Variants in SLC22A3 observed in about 807,000 individuals in gnomAD.
SLC22A3 encodes the protein EMT organic cation transporter 3.
Under a neutral mutation model 59.1 loss-of-function variants are expected in SLC22A3, and 51 were observed. The observed-to-expected ratio is 0.86, with a 90% CI of 0.69 to 1.09. The LOEUF (loss-of-function observed/expected upper bound fraction) is 1.09. SLC22A3 is among the 50% of genes least tolerant of loss of function. The pLI, the probability that SLC22A3 is intolerant of heterozygous loss-of-function variation, is 0.00. For missense variants in SLC22A3, 711 were observed against 726.3 expected (o/e 0.98, Z 0.24); for synonymous variants, 325 against 292.0 (o/e 1.11, Z -1.15).
intron 7 of SLC22A3, among the ~76,000 whole-genome samples, chr6:160,442,339 C>G (rs913629847): frequency 1.8e-4 from 28 of 152,290 alleles, no homozygotes; most frequent in Admixed American, 1.6e-3. Context: ...CCTTGTGTCA[C>G]CACCGCAAGG....
intron 1 of SLC22A3, among the ~76,000 whole-genome samples, chr6:160,388,725 A>G (rs1562479896): frequency 6.6e-6 from 1 of 152,296 alleles, no homozygotes; most frequent in East Asian, 1.9e-4. Flanking sequence ...GGACTGTTCT[A>G]TACACCACCT....
chr6:160,361,321 A>G (rs1298873594), intron 1 of SLC22A3, among the ~76,000 whole-genome samples: 2 of 152,234 alleles, frequency 1.3e-5, no homozygotes, highest in African/African-American at 4.8e-5. Context: ...GAAACATGAC[A>G]AGGTCAGGGA....
At chr6:160,402,181 AATGG>A (rs1276958082) in intron 2 of SLC22A3, among the ~76,000 whole-genome samples, 1 of 151,952 alleles carries the variant, frequency 6.6e-6, no homozygotes, top group East Asian at 1.9e-4. Flanking sequence ...ACTAATAGTA[AATGG>A]ATGGAGAAAA....
At chr6:160,450,902 A>C in intron 10 of SLC22A3, 94 bp from the exon 11 acceptor site, 3 of 1,212,128 alleles carry the variant, frequency 2.5e-6, no homozygotes, top group Non-Finnish European at 3.6e-6. Context: ...AATGTATTTG[A>C]TCAAAACCAG....
chr6:160,349,192 G>C (rs1377366401), intron 1 of SLC22A3: 10 of 550,814 alleles, frequency 1.8e-5, no homozygotes, highest in Non-Finnish European at 2.1e-5. Context: ...TGAGGTGTGC[G>C]GGCGCCGTCA....
Position 160,436,990 on chromosome 6 carries a change from G to A in SLC22A3, c.1074-7G>A, listed in dbSNP as rs1436600228. 2 of 1,614,102 alleles carry A rather than the reference G, an allele frequency of 1.2e-6. No individual in the cohort carries two copies. The highest frequency in any genetic ancestry group is 1.7e-6 in the Non-Finnish European group (2 of 1,179,978). On this transcript the variant is annotated splice_region_variant and splice_polypyrimidine_tract_variant and intron_variant, in intron 6 of 10. Coordinates refer to ENST00000275300, the MANE Select transcript of SLC22A3 (RefSeq NM_021977.4). ...TTGTTCTCTGGTGTCTTTCAATGTT[G>A]CTACAGGTTCACAAGCGCAGTGGTG...
At chr6:160,375,533 G>A (rs316244) in intron 1 of SLC22A3, among the ~76,000 whole-genome samples, 37,991 of 151,804 alleles carry the variant, frequency 0.25, 5,094 homozygotes, top group South Asian at 0.37. Flanking sequence ...AAACCAGACT[G>A]GTAAGATACC....
At chr6:160,350,665 G>A (rs993825280) in intron 1 of SLC22A3, among the ~76,000 whole-genome samples, 3 of 152,220 alleles carry the variant, frequency 2.0e-5, no homozygotes, top group Non-Finnish European at 4.4e-5. Context: ...AGCGAGGTTT[G>A]CATGAGTGAG....
At chr6:160,369,867 T>C (rs1478131993) in intron 1 of SLC22A3, among the ~76,000 whole-genome samples, 1 of 151,786 alleles carries the variant, frequency 6.6e-6, no homozygotes, top group Admixed American at 6.6e-5. Context: ...CAAGAAGGAG[T>C]GTTTCTTTCT....
chr6:160,430,934 G>A (rs571178996), intron 5 of SLC22A3, among the ~76,000 whole-genome samples: 4 of 152,148 alleles, frequency 2.6e-5, no homozygotes, highest in Admixed American at 1.3e-4. Flanking sequence ...AGCCCAGAGT[G>A]GGGGGAGGGG....
Position 160,374,203 on chromosome 6 carries a change from C to T in SLC22A3, c.430-23776C>T, listed in dbSNP as rs181102818. Among the ~76,000 whole-genome samples the T allele has an allele frequency of 1.4e-4, 22 of 152,270 alleles. No homozygotes were observed. The East Asian group carries it at 4.1e-3, about 28-fold the overall frequency. The stretch of plus-strand genomic sequence containing the variant: ...CCATGGGAAAAGTGTAGTATCTGGG[C>T]CAGAATGCATGGTTCCTCACAGGAT... On this transcript the variant is annotated intron_variant, in intron 1 of 10. Coordinates refer to ENST00000275300, the MANE Select transcript of SLC22A3 (RefSeq NM_021977.4).
At chr6:160,406,221 A>C (rs1787008879) in intron 2 of SLC22A3, among the ~76,000 whole-genome samples, 1 of 152,150 alleles carries the variant, frequency 6.6e-6, no homozygotes. Flanking sequence ...AACTAAGGCT[A>C]CTTCCATCTC....
At chr6:160,380,016 G>A (rs772412473) in intron 1 of SLC22A3, among the ~76,000 whole-genome samples, 23 of 152,234 alleles carry the variant, frequency 1.5e-4, no homozygotes, top group Non-Finnish European at 1.2e-4. Context: ...GACAGATCCT[G>A]TGTCATATTT....
intron 1 of SLC22A3, among the ~76,000 whole-genome samples, chr6:160,366,586 A>G (rs1354552321): frequency 6.6e-6 from 1 of 152,222 alleles, no homozygotes; most frequent in African/African-American, 2.4e-5. Flanking sequence ...GTACCCTAGT[A>G]GGGACTCTGT....
At chr6:160,356,089 C>T (rs576781726) in intron 1 of SLC22A3, among the ~76,000 whole-genome samples, 1 of 152,346 alleles carries the variant, frequency 6.6e-6, no homozygotes, top group South Asian at 2.1e-4. Context: ...TTTTTATGAC[C>T]ATGGCTAGGC....
At chr6:160,449,015 T>C (rs1331562692) in intron 10 of SLC22A3, among the ~76,000 whole-genome samples, 1 of 152,176 alleles carries the variant, frequency 6.6e-6, no homozygotes, top group Non-Finnish European at 1.5e-5. Context: ...GAGGAACAGC[T>C]TTCTTCCCTT....
Position 160,368,688 on chromosome 6 carries a change from C to A in SLC22A3, c.429+19840C>A, listed in dbSNP as rs142027498. On this transcript the variant is annotated intron_variant, in intron 1 of 10. Transcript: ENST00000275300. Reference sequence around the variant, plus strand: ...TGTGCTTCCCAGGGTCTCTGATGACCTTGAGGTTGCTGTTCACTCACCTCC... The same window carrying A: ...TGTGCTTCCCAGGGTCTCTGATGACATTGAGGTTGCTGTTCACTCACCTCC... Among the ~76,000 whole-genome samples the A allele has an allele frequency of 4.7e-3, 709 of 152,272 alleles. 3 individuals are homozygous for A. The highest frequency in any genetic ancestry group is 0.016 in the African/African-American group (684 of 41,548).
intron 1 of SLC22A3, among the ~76,000 whole-genome samples, chr6:160,392,400 A>G (rs531514542): frequency 6.6e-6 from 1 of 152,296 alleles, no homozygotes; most frequent in South Asian, 2.1e-4. Flanking sequence ...AGTCGATTCC[A>G]TTCTGTTTAG....
chr6:160,351,306 G>A (rs1433347597), intron 1 of SLC22A3, among the ~76,000 whole-genome samples: 1 of 152,072 alleles, frequency 6.6e-6, no homozygotes, highest in Non-Finnish European at 1.5e-5. Flanking sequence ...TAGTAGAGGC[G>A]GGGTTTCACT....
Sources: allele counts gnomAD v4.1 joint callset (sites outside exome capture counted in the v4.1 genomes callset), GRCh38; gene constraint gnomAD v4.1.1; transcripts MANE v1.5; gene names NCBI Gene and HGNC (gene_info 2026-07-23, HGNC 2026-07-21).